Variants in TCF12 observed in about 807,000 individuals in gnomAD.
TCF12 encodes the protein transcription factor 12, also known as DNA-binding protein HTF4.
Under a neutral mutation model 86.0 loss-of-function variants are expected in TCF12, and 45 were observed. That is an observed-to-expected ratio of 0.52 (90% confidence interval 0.41 to 0.67). The LOEUF (loss-of-function observed/expected upper bound fraction) is 0.67. Among genes scored for constraint, TCF12 ranks in the 30% least tolerant of loss-of-function variants. The pLI is 0.00. For missense variants in TCF12, 881 were observed against 859.9 expected (o/e 1.02, Z -0.31); for synonymous variants, 330 against 299.6 (o/e 1.10, Z -1.05).
intron 3 of TCF12, among the ~76,000 whole-genome samples, chr15:56,957,973 C>T (rs1459194195): frequency 5.3e-5 from 8 of 152,216 alleles, no homozygotes; most frequent in Admixed American, 3.3e-4. Flanking sequence ...TTCAGTGCCC[C>T]GGGATTCCTG....
chr15:57,127,405 T>G (rs1288445449), intron 5 of TCF12, among the ~76,000 whole-genome samples: 3 of 152,240 alleles, frequency 2.0e-5, no homozygotes, highest in African/African-American at 7.2e-5. Context: ...TTTTCATCAT[T>G]AATAGTTTTT....
At chr15:57,093,011 T>C (rs2049089056) in intron 5 of TCF12, among the ~76,000 whole-genome samples, 1 of 152,202 alleles carries the variant, frequency 6.6e-6, no homozygotes, top group Non-Finnish European at 1.5e-5. Context: ...AGTGTGGATT[T>C]TGCCGAAGGC....
At chr15:57,183,024 T>C (rs1446541461) in intron 6 of TCF12, among the ~76,000 whole-genome samples, 1 of 152,208 alleles carries the variant, frequency 6.6e-6, no homozygotes, top group African/African-American at 2.4e-5. Context: ...CTACTTGTTA[T>C]CACTTTAATA....
intron 8 of TCF12, among the ~76,000 whole-genome samples, chr15:57,224,253 A>G (rs1216454478): frequency 2.6e-5 from 4 of 152,138 alleles, no homozygotes; most frequent in African/African-American, 9.7e-5. Flanking sequence ...GTAGGTAGGT[A>G]ACGTGTCAGT....
chr15:57,157,357 A>G (rs2054183677), intron 5 of TCF12, among the ~76,000 whole-genome samples: 1 of 150,348 alleles, frequency 6.7e-6, no homozygotes, highest in Non-Finnish European at 1.5e-5. Context: ...CTTTATTTCT[A>G]AATTCTAAAC....
chr15:57,268,531 G>A (rs114438767), intron 18 of TCF12, among the ~76,000 whole-genome samples: 1,755 of 152,200 alleles, frequency 0.012, 32 homozygotes, highest in African/African-American at 0.04. Flanking sequence ...TAGGTTACAA[G>A]CACGAGCCAC....
At chr15:57,211,634 A>G (rs1300993520) in intron 8 of TCF12, among the ~76,000 whole-genome samples, 1 of 152,138 alleles carries the variant, frequency 6.6e-6, no homozygotes, top group African/African-American at 2.4e-5. Context: ...ACTTTTAATT[A>G]TGCCTCTTGC....
chr15:57,137,043 G>A (rs1486175912), intron 5 of TCF12, among the ~76,000 whole-genome samples: 8 of 134,462 alleles, frequency 5.9e-5, no homozygotes, highest in Admixed American at 5.2e-4. Context: ...GCAGTGGCGC[G>A]ATCTCGGCTC....
chr15:56,987,055 G>A (rs1260515572), intron 3 of TCF12, among the ~76,000 whole-genome samples: 5 of 151,524 alleles, frequency 3.3e-5, no homozygotes, highest in Admixed American at 1.3e-4. Flanking sequence ...CTTGAATTTT[G>A]ATATCTACTT....
intron 3 of TCF12, among the ~76,000 whole-genome samples, chr15:56,960,697 T>C (rs909709686): frequency 6.6e-6 from 1 of 151,960 alleles, no homozygotes; most frequent in African/African-American, 2.4e-5. Flanking sequence ...TCCAAAGTAT[T>C]GGGATTACAG....
intron 13 of TCF12, among the ~76,000 whole-genome samples, chr15:57,249,140 T>C (rs1195797457): frequency 2.0e-5 from 3 of 152,212 alleles, no homozygotes; most frequent in Non-Finnish European, 4.4e-5. Context: ...CTAAAATTCA[T>C]AATTCTGCAT....
At chr15:57,090,313 G>A (rs2151109323) in intron 4 of TCF12, among the ~76,000 whole-genome samples, 1 of 152,326 alleles carries the variant, frequency 6.6e-6, no homozygotes, top group South Asian at 2.1e-4. Flanking sequence ...TCTACTAAAT[G>A]TGGCTGTATC....
At chr15:57,040,233 G>T (rs192836771) in intron 3 of TCF12, among the ~76,000 whole-genome samples, 4 of 152,144 alleles carry the variant, frequency 2.6e-5, no homozygotes, top group African/African-American at 9.7e-5. Context: ...CAAAGATTCT[G>T]AACCATTAAT....
At chr15:56,986,784 T>G (rs1292986504) in intron 3 of TCF12, among the ~76,000 whole-genome samples, 1 of 152,196 alleles carries the variant, frequency 6.6e-6, no homozygotes, top group African/African-American at 2.4e-5. Context: ...CAAAATTGTC[T>G]CGTTAGATTT....
intron 8 of TCF12, among the ~76,000 whole-genome samples, chr15:57,209,408 TA>T (rs1255154973): frequency 6.6e-6 from 1 of 152,192 alleles, no homozygotes; most frequent in Non-Finnish European, 1.5e-5. Flanking sequence ...ATTAAAAATA[TA>T]GGGCCATGGT....
chr15:57,169,354 A>G (rs1484499014), intron 6 of TCF12, among the ~76,000 whole-genome samples: 1 of 152,176 alleles, frequency 6.6e-6, no homozygotes, highest in Non-Finnish European at 1.5e-5. Context: ...TGCTTTTCTC[A>G]GTTCCTAATC....
intron 3 of TCF12, among the ~76,000 whole-genome samples, chr15:56,990,949 T>G (rs1479345807): frequency 6.6e-6 from 1 of 151,964 alleles, no homozygotes; most frequent in Non-Finnish European, 1.5e-5. Flanking sequence ...TGTGCACCAC[T>G]GCACTTGGCT....
rs531012535 is a variant in TCF12 at position 57,063,687 on chromosome 15, C to T, written c.149-63C>T. ...CTTGCTAAATTGTACTCTGCTGTCC[C>T]GTACCAAAAAAATCCACAAAAGTAT... On this transcript the variant is annotated intron_variant, in intron 3 of 20. Transcript: ENST00000333725. 32 of 1,444,598 alleles carry T rather than the reference C, an allele frequency of 2.2e-5. 1 individual carries two copies. The highest frequency in any genetic ancestry group is 1.1e-4 in the African/African-American group (8 of 71,832). 89.5% of individuals were successfully genotyped at this position (1,444,598 alleles called of 1,614,324 possible).
At chr15:57,148,955 T>C (rs1475701443) in intron 5 of TCF12, among the ~76,000 whole-genome samples, 1 of 152,162 alleles carries the variant, frequency 6.6e-6, no homozygotes, top group East Asian at 1.9e-4. Flanking sequence ...GTGAGACGGG[T>C]CTAGGTGTAG....
Sources: gnomAD v4.1 joint callset for allele counts (sites outside exome capture counted in the v4.1 genomes callset) on GRCh38, gnomAD v4.1.1 for gene constraint, MANE v1.5 for transcripts, NCBI Gene and HGNC (gene_info 2026-07-23, HGNC 2026-07-21) for gene names.